Variants in SPOCK3 observed in about 807,000 individuals in gnomAD.
SPOCK3 encodes the protein testican-3.
Under a neutral mutation model 56.6 loss-of-function variants are expected in SPOCK3, and 30 were observed. That is an observed-to-expected ratio of 0.53 (90% confidence interval 0.40 to 0.72). The LOEUF (loss-of-function observed/expected upper bound fraction) is 0.72, where lower values mean the gene tolerates loss of function less well. Among genes scored for constraint, SPOCK3 ranks in the 30% least tolerant of loss-of-function variants. The pLI, the probability that SPOCK3 is intolerant of heterozygous loss-of-function variation, is 0.00. For synonymous variants in SPOCK3, 196 were observed against 183.3 expected (o/e 1.07, Z -0.56); for missense variants, 527 against 530.0 (o/e 0.99, Z 0.06).
chr4:166,826,244 T>A (rs903776739), intron 6 of SPOCK3, among the ~76,000 whole-genome samples: 1 of 152,138 alleles, frequency 6.6e-6, no homozygotes, highest in African/African-American at 2.4e-5. Context: ...AGCTGTATTT[T>A]GTACTGTGTG....
At chr4:166,807,308 T>TA (rs372411472) in intron 6 of SPOCK3, among the ~76,000 whole-genome samples, 2,005 of 129,804 alleles carry the variant, frequency 0.015, 44 homozygotes, top group African/African-American at 0.048. Context: ...GCATAAAGCC[T>TA]AAAAAAAAAA....
At chr4:166,861,701 C>T (rs926720858) in intron 6 of SPOCK3, among the ~76,000 whole-genome samples, 1 of 152,072 alleles carries the variant, frequency 6.6e-6, no homozygotes, top group African/African-American at 2.4e-5. Flanking sequence ...TGGTCATCCA[C>T]AACATACTGG....
intron 2 of SPOCK3, among the ~76,000 whole-genome samples, chr4:167,171,110 C>T (rs886493569): frequency 4.6e-5 from 7 of 151,998 alleles, no homozygotes; most frequent in African/African-American, 9.7e-5. Flanking sequence ...GCACCCAATC[C>T]CCCAAGTTTT....
chr4:167,107,096 C>A (rs1344227106), intron 2 of SPOCK3, among the ~76,000 whole-genome samples: 2 of 151,764 alleles, frequency 1.3e-5, no homozygotes, highest in Non-Finnish European at 2.9e-5. Context: ...AATGTAAATC[C>A]TACTCAAACT....
intron 2 of SPOCK3, among the ~76,000 whole-genome samples, chr4:167,151,725 A>G (rs1429122740): frequency 6.6e-6 from 1 of 151,976 alleles, no homozygotes; most frequent in Non-Finnish European, 1.5e-5. Context: ...GTGAGCCACC[A>G]CGCCCAGCCT....
chr4:167,181,693 G>C (rs150931931), intron 2 of SPOCK3, among the ~76,000 whole-genome samples: 20 of 152,230 alleles, frequency 1.3e-4, no homozygotes, highest in African/African-American at 4.8e-4. Flanking sequence ...CTTCTAACTG[G>C]AAAGCTCTTT....
chr4:167,009,194 A>T lies in SPOCK3; in HGVS notation c.236-8731T>A, dbSNP rs1749774679. On this transcript the variant is annotated intron_variant, in intron 3 of 10. Coordinates refer to ENST00000357545, the MANE Select transcript of SPOCK3 (RefSeq NM_001040159.2). ...CAACAACAACAAAATAACTTAAAAA[A>T]ATACTAAACCATAGGCTAGGATCTG... 2.6e-5 allele frequency among the ~76,000 whole-genome samples: 4 copies of T among 152,152 alleles called. 1 individual carries two copies. In the South Asian group the frequency reaches 8.3e-4, roughly 32 times the overall value.
At chr4:166,778,138 G>T (rs2126603579) in intron 7 of SPOCK3, among the ~76,000 whole-genome samples, 1 of 152,202 alleles carries the variant, frequency 6.6e-6, no homozygotes. Flanking sequence ...TCTCTTCAAA[G>T]ATATTTCAAA....
chr4:166,957,123 C>T (rs1743588132), intron 4 of SPOCK3, among the ~76,000 whole-genome samples: 1 of 152,096 alleles, frequency 6.6e-6, no homozygotes, highest in Admixed American at 6.6e-5. Flanking sequence ...GGCAAGGTGG[C>T]AGGTGCCTGT....
chr4:166,795,999 T>C (rs1427828593), intron 6 of SPOCK3, among the ~76,000 whole-genome samples: 2 of 152,144 alleles, frequency 1.3e-5, no homozygotes, highest in African/African-American at 4.8e-5. Flanking sequence ...TAGTGCTCTT[T>C]TAAAATGGAA....
chr4:166,879,017 G>T (rs1733409827), intron 6 of SPOCK3, among the ~76,000 whole-genome samples: 1 of 152,026 alleles, frequency 6.6e-6, no homozygotes, highest in Non-Finnish European at 1.5e-5. Flanking sequence ...ACTTTAAAAT[G>T]GCTATGGATT....
intron 6 of SPOCK3, among the ~76,000 whole-genome samples, chr4:166,814,485 A>C (rs186142785): frequency 6.6e-6 from 1 of 152,226 alleles, no homozygotes; most frequent in African/African-American, 2.4e-5. Flanking sequence ...GCTAGAACAA[A>C]GCAGGTAGGA....
chr4:167,232,797 T>C (rs926114387), intron 2 of SPOCK3, among the ~76,000 whole-genome samples: 7 of 152,218 alleles, frequency 4.6e-5, no homozygotes, highest in Non-Finnish European at 7.3e-5. Flanking sequence ...TTTGTGTTTC[T>C]TCAGGAATCC....
chr4:166,889,305 G>T (rs200093582), intron 5 of SPOCK3, 61 bp from the exon 6 acceptor site: 3 of 1,043,210 alleles, frequency 2.9e-6, no homozygotes, highest in South Asian at 1.4e-5. Flanking sequence ...TAAAACTCAA[G>T]AAATTTTTAG....
chr4:167,053,890 G>C (rs892586241), intron 3 of SPOCK3, among the ~76,000 whole-genome samples: 3 of 151,956 alleles, frequency 2.0e-5, no homozygotes, highest in African/African-American at 7.3e-5. Flanking sequence ...CAAAAACGTG[G>C]AGGAGCAGGA....
intron 2 of SPOCK3, among the ~76,000 whole-genome samples, chr4:167,115,182 C>A (rs1761229688): frequency 6.6e-6 from 1 of 151,862 alleles, no homozygotes; most frequent in East Asian, 1.9e-4. Flanking sequence ...AGATATTTTT[C>A]TTTGAAATAC....
intron 4 of SPOCK3, among the ~76,000 whole-genome samples, chr4:166,981,894 G>A (rs755107999): frequency 6.6e-6 from 1 of 152,192 alleles, no homozygotes; most frequent in Middle Eastern, 3.2e-3. Context: ...AGGCTGGTGT[G>A]TCAGCACCAC....
At chr4:167,019,355 G>A (rs1382715038) in intron 3 of SPOCK3, among the ~76,000 whole-genome samples, 1 of 151,598 alleles carries the variant, frequency 6.6e-6, no homozygotes, top group Non-Finnish European at 1.5e-5. Context: ...TTAGGGTTGT[G>A]GTAAAATGAT....
chr4:167,059,538 T>A (rs1337296216), intron 3 of SPOCK3, among the ~76,000 whole-genome samples: 1 of 152,002 alleles, frequency 6.6e-6, no homozygotes, highest in African/African-American at 2.4e-5. Flanking sequence ...ATAGGAACAC[T>A]TTTACACTGT....
Sources: gnomAD v4.1 joint callset for allele counts (sites outside exome capture counted in the v4.1 genomes callset) on GRCh38, gnomAD v4.1.1 for gene constraint, MANE v1.5 for transcripts, NCBI Gene and HGNC (gene_info 2026-07-23, HGNC 2026-07-21) for gene names.